GPR137C: variants seen among roughly 807,000 people sequenced by gnomAD.
GPR137C encodes the protein G protein-coupled receptor 137C, also known as integral membrane protein GPR137C.
GPR137C carries 27 observed loss-of-function variants against 43.4 expected under a neutral mutation model. The observed-to-expected ratio is 0.62, with a 90% confidence interval of 0.46 to 0.86. The LOEUF (loss-of-function observed/expected upper bound fraction) is 0.86. GPR137C is among the 40% of genes least tolerant of loss of function. The pLI is 0.00. For missense variants in GPR137C, 522 were observed against 534.6 expected, an observed-to-expected ratio of 0.98 and a Z score of 0.23; for synonymous variants, 285 against 226.9, an observed-to-expected ratio of 1.26 and a Z score of -2.30.
chr14:52,632,865 C>G (rs1355851604), intron 4 of GPR137C, among the ~76,000 whole-genome samples: 3 of 152,090 alleles, frequency 2.0e-5, no homozygotes, highest in Non-Finnish European at 4.4e-5. Flanking sequence ...AACTTCCTAG[C>G]ATTCCCATAT....
chr14:52,561,510 T>C (rs2038283355), intron 1 of GPR137C, among the ~76,000 whole-genome samples: 1 of 152,146 alleles, frequency 6.6e-6, no homozygotes, highest in Non-Finnish European at 1.5e-5. Flanking sequence ...AAGCATATGT[T>C]CCTATAAAAA....
chr14:52,557,907 G>A (rs893787221), intron 1 of GPR137C, among the ~76,000 whole-genome samples: 3 of 152,036 alleles, frequency 2.0e-5, no homozygotes, highest in South Asian at 2.1e-4. Context: ...TTGCTTTCCC[G>A]TTTTTCACAT....
chr14:52,591,740 G>C (rs1445879237), intron 1 of GPR137C, among the ~76,000 whole-genome samples: 2 of 151,902 alleles, frequency 1.3e-5, no homozygotes, highest in Non-Finnish European at 2.9e-5. Flanking sequence ...TTGTCAGATG[G>C]GTAGATTACA....
rs1014953793 is a variant in GPR137C at position 52,636,419 on chromosome 14, C to G, written c.*1304C>G. 1 of 152,084 alleles carries G rather than the reference C, an allele frequency of 6.6e-6. No individual in the cohort carries two copies. The highest frequency in any genetic ancestry group is 1.5e-5 in the Non-Finnish European group (1 of 67,980). The allele number at this position is 152,084 out of a possible 1,614,324, so 9.4% of individuals were successfully genotyped here. A position where few individuals can be genotyped will look rare whatever the true frequency, so the allele number is the denominator to read the frequency against. On this transcript the variant is annotated 3_prime_UTR_variant, in exon 7 of 7. Transcript: ENST00000321662. ...GGAAAGAAGTAGATGCTGAATACCT[C>G]AAGATGCCAAGGGAACAAGCAACAT... is the stretch of plus-strand genomic sequence containing the variant.
chr14:52,586,507 C>CT (rs1185782621), intron 1 of GPR137C, among the ~76,000 whole-genome samples: 4 of 152,212 alleles, frequency 2.6e-5, no homozygotes, highest in African/African-American at 9.6e-5. Context: ...AACGGCTCTA[C>CT]TTTCTTGCTT....
At chr14:52,598,234 C>T in intron 1 of GPR137C, 38 bp from the exon 2 acceptor site, 1 of 778,526 alleles carries the variant, frequency 1.3e-6, no homozygotes. Context: ...TTCTATATTA[C>T]ACGTTTTCAA....
intron 1 of GPR137C, among the ~76,000 whole-genome samples, chr14:52,566,572 C>T (rs2139448000): frequency 6.6e-6 from 1 of 152,242 alleles, no homozygotes; most frequent in Non-Finnish European, 1.5e-5. Flanking sequence ...AAGAATGGGA[C>T]ATTAAACAGC....
chr14:52,599,588 C>T (rs752443050), intron 2 of GPR137C, among the ~76,000 whole-genome samples: 34 of 152,118 alleles, frequency 2.2e-4, no homozygotes, highest in Non-Finnish European at 4.1e-4. Flanking sequence ...CGTGTGCCGC[C>T]ATACCCAGCT....
At chr14:52,595,187 CCT>C (rs2038837246) in intron 1 of GPR137C, among the ~76,000 whole-genome samples, 2 of 152,156 alleles carry the variant, frequency 1.3e-5, no homozygotes, top group African/African-American at 2.4e-5. Flanking sequence ...CGAGAGATCC[CCT>C]GTTAGTCTGA....
chr14:52,567,904 C>T (rs1413590495), intron 1 of GPR137C, among the ~76,000 whole-genome samples: 4 of 152,006 alleles, frequency 2.6e-5, no homozygotes, highest in East Asian at 1.9e-4. Flanking sequence ...GTGATCTGCC[C>T]GCCTGGGTCT....
Position 52,633,607 on chromosome 14 carries a change from A to T in GPR137C, c.945A>T (p.Ala315=), listed in dbSNP as rs1418017501. 1 of 1,613,094 alleles carries T rather than the reference A, an allele frequency of 6.2e-7. No individual in the cohort carries two copies. The highest frequency in any genetic ancestry group is 8.5e-7 in the Non-Finnish European group (1 of 1,179,354). The change falls in exon 5 of 7, where the codon GCA becomes GCT. Residue 315 remains alanine (A), a synonymous_variant. Coordinates refer to ENST00000321662, the MANE Select transcript of GPR137C (RefSeq NM_001099652.2). The stretch of plus-strand genomic sequence containing the variant: ...TCTTTCTGTGGGAACATGTGCCAGC[A>T]TGGTCGGTGGTACTGTTTTTCCGGG... ...MVLFLWEHVP[A]WSVVLFFRAQ... is the part of the protein sequence containing the mutation.
In GPR137C at chr14:52,553,483, G is replaced by A; in HGVS notation, c.336G>A (p.Leu112=). Residue 112 remains leucine, a synonymous_variant, in exon 1 of 7, where the codon TTG becomes TTA. Transcript: ENST00000321662. ...TCTCGCTCAGCGGCTCCCTGCCCTT[G>A]CTCCGGCCGCCCGCTCACCTGCACT... ...AAFSLSGSLP[L]LRPPAHLHFF... 3 of 1,608,724 alleles carry A rather than the reference G, an allele frequency of 1.9e-6. No individual in the cohort carries two copies. The African/African-American group carries it at 4.0e-5, about 21-fold the overall frequency.
chr14:52,606,213 A>G (rs767990842), intron 3 of GPR137C, among the ~76,000 whole-genome samples: 1 of 152,046 alleles, frequency 6.6e-6, no homozygotes, highest in Non-Finnish European at 1.5e-5. Context: ...TACTGTTTTA[A>G]TACTGTTACT....
chr14:52,581,947 T>C (rs903848106), intron 1 of GPR137C, among the ~76,000 whole-genome samples: 25 of 152,232 alleles, frequency 1.6e-4, no homozygotes, highest in African/African-American at 6.0e-4. Flanking sequence ...CAAAGCAACA[T>C]GGTCTACATG....
chr14:52,633,898 A>G lies in GPR137C; in HGVS notation c.1064A>G (p.Tyr355Cys), dbSNP rs999467046. The change falls in exon 6 of 7, where the codon TAT becomes TGT. Residue 355 changes from tyrosine to cysteine, a missense_variant. By Grantham distance (194) the Tyr-to-Cys change is radical. Coordinates refer to ENST00000321662, the MANE Select transcript of GPR137C (RefSeq NM_001099652.2). Reference sequence around the variant, plus strand: ...TACTTTTTCGACAATCCAAGACGATATGATAGTGATGATGACCTGCCAAGA... The same window carrying G: ...TACTTTTTCGACAATCCAAGACGATGTGATAGTGATGATGACCTGCCAAGA... ...RAYFFDNPRR[Y>C]DSDDDLPRLG... The G allele has an allele frequency of 6.2e-7, 1 of 1,612,260 alleles. No individual in the cohort carries two copies. The highest frequency in any genetic ancestry group is 1.3e-5 in the African/African-American group (1 of 74,852).
intron 3 of GPR137C, among the ~76,000 whole-genome samples, chr14:52,614,044 A>T (rs1316313743): frequency 1.3e-5 from 2 of 151,146 alleles, no homozygotes; most frequent in Non-Finnish European, 2.9e-5. Flanking sequence ...ATGAAAGCCC[A>T]TTTCACTGGG....
chr14:52,562,580 G>A (rs1206470567), intron 1 of GPR137C, among the ~76,000 whole-genome samples: 3 of 152,116 alleles, frequency 2.0e-5, no homozygotes, highest in East Asian at 1.9e-4. Context: ...GCAATGTATC[G>A]AGACCCTGTC....
At chr14:52,573,813 C>T (rs2038508468) in intron 1 of GPR137C, among the ~76,000 whole-genome samples, 1 of 152,084 alleles carries the variant, frequency 6.6e-6, no homozygotes, top group South Asian at 2.1e-4. Context: ...GAAATTGTTG[C>T]AATCTATCCA....
intron 1 of GPR137C, among the ~76,000 whole-genome samples, chr14:52,579,211 C>T (rs528500919): frequency 6.6e-6 from 1 of 152,150 alleles, no homozygotes; most frequent in African/African-American, 2.4e-5. Context: ...TGGTGTATAC[C>T]AGTCATCTCC....
Sources: allele counts gnomAD v4.1 joint callset (sites outside exome capture counted in the v4.1 genomes callset), GRCh38; gene constraint gnomAD v4.1.1; transcripts MANE v1.5; gene names NCBI Gene and HGNC (gene_info 2026-07-23, HGNC 2026-07-21).